SLC38A9: variants seen among roughly 807,000 people sequenced by gnomAD.
SLC38A9 encodes neutral amino acid transporter 9.
Under a neutral mutation model 62.3 loss-of-function variants are expected in SLC38A9, and 48 were observed. The observed-to-expected ratio is 0.77, with a 90% confidence interval of 0.61 to 0.98. The LOEUF (loss-of-function observed/expected upper bound fraction) is 0.98, where lower values mean the gene tolerates loss of function less well. SLC38A9 is among the 50% of genes least tolerant of loss of function. SLC38A9 has a pLI of 0.00. For synonymous variants in SLC38A9, 204 were observed against 227.7 expected, an observed-to-expected ratio of 0.90 and a Z score of 0.94; for missense variants, 541 against 679.8, an observed-to-expected ratio of 0.80 and a Z score of 2.27.
At position 55,672,571 on chromosome 5, in the gene SLC38A9, T is replaced by C; in HGVS notation, c.238A>G (p.Lys80Glu). 6.2e-7 allele frequency: 1 copy of C among 1,614,044 alleles called. No individual in the cohort carries two copies. Among genetic ancestry groups the C allele is most frequent in the South Asian group, 1.1e-5 (1 of 91,040 alleles). Residue 80 changes from lysine to glutamate, a missense_variant, in exon 4 of 16, where the codon AAG becomes GAG. Lys to Glu is a moderately conservative substitution (Grantham distance 56). Transcript: ENST00000396865. ...YYSRLTTPADKALIAPDHVVP... is the reference protein window; with the variant it reads ...YYSRLTTPADEALIAPDHVVP... ...AATGTTTTGTCTCTTACCAGTGCCT[T>C]GTCTGCAGGAGTGGTGAGCCGGCTG... is the stretch of plus-strand genomic sequence containing the variant.
intron 14 of SLC38A9, among the ~76,000 whole-genome samples, chr5:55,632,583 C>A (rs1188699755): frequency 6.6e-6 from 1 of 152,206 alleles, no homozygotes; most frequent in South Asian, 2.1e-4. Flanking sequence ...GAATCTCAGT[C>A]CCATTCTCCC....
rs1022953198 is a variant in SLC38A9 at position 55,625,967 on chromosome 5, A to G, written c.*527T>C. ...AATAGAGATTAAGACTCAGTTAAAA[A>G]TGTACTTTATTAACACTGATGCCAT... On this transcript the variant is annotated 3_prime_UTR_variant, in exon 16 of 16. Transcript: ENST00000396865. 4 of 152,766 alleles carry G rather than the reference A, an allele frequency of 2.6e-5. No homozygotes were observed. Among genetic ancestry groups the G allele is most frequent in the African/African-American group, 9.6e-5 (4 of 41,456 alleles). The allele number at this position is 152,766 out of a possible 1,614,324, so 9.5% of individuals were successfully genotyped here. A position where few individuals can be genotyped will look rare whatever the true frequency, so the allele number is the denominator to read the frequency against.
At chr5:55,642,316 A>T (rs1561318775) in intron 12 of SLC38A9, among the ~76,000 whole-genome samples, 1 of 152,248 alleles carries the variant, frequency 6.6e-6, no homozygotes. Context: ...AAGTGTTGGG[A>T]TTACAGGCGT....
intron 8 of SLC38A9, among the ~76,000 whole-genome samples, chr5:55,663,673 C>T (rs147196301): frequency 8.7e-4 from 133 of 152,204 alleles, no homozygotes; most frequent in African/African-American, 3.0e-3. Context: ...GTGGATGTTG[C>T]AGTGATCCGA....
chr5:55,677,084 T>C (rs1282774457), intron 3 of SLC38A9, among the ~76,000 whole-genome samples: 2 of 152,158 alleles, frequency 1.3e-5, no homozygotes, highest in South Asian at 2.1e-4. Context: ...ATAATTATAA[T>C]TCTAAAGCAA....
At chr5:55,644,552 G>C (rs1270984026) in intron 12 of SLC38A9, among the ~76,000 whole-genome samples, 2 of 151,946 alleles carry the variant, frequency 1.3e-5, no homozygotes, top group African/African-American at 2.4e-5. Flanking sequence ...TTCCTGAGTT[G>C]CTGGGATTAC....
At chr5:55,680,947 T>C (rs901078849) in intron 3 of SLC38A9, among the ~76,000 whole-genome samples, 1 of 152,244 alleles carries the variant, frequency 6.6e-6, no homozygotes, top group African/African-American at 2.4e-5. Context: ...AAGTGAAACC[T>C]GCCCTGCCAA....
At chr5:55,674,726 G>A (rs1178346307) in intron 3 of SLC38A9, among the ~76,000 whole-genome samples, 1 of 152,162 alleles carries the variant, frequency 6.6e-6, no homozygotes, top group African/African-American at 2.4e-5. Context: ...GAATTAAGTG[G>A]TGTCAATATA....
chr5:55,689,599 CA>C (rs1158363322), intron 3 of SLC38A9, among the ~76,000 whole-genome samples: 1 of 152,176 alleles, frequency 6.6e-6, no homozygotes, highest in African/African-American at 2.4e-5. Context: ...CAATATTGAG[CA>C]GACAGAGAAC....
intron 7 of SLC38A9, among the ~76,000 whole-genome samples, chr5:55,666,823 C>T (rs909838378): frequency 2.0e-5 from 3 of 152,152 alleles, no homozygotes; most frequent in Admixed American, 2.0e-4. Flanking sequence ...GTCAGGAGAT[C>T]GAGACCACAG....
At chr5:55,628,822 A>G (rs1742930204) in intron 14 of SLC38A9, among the ~76,000 whole-genome samples, 1 of 152,218 alleles carries the variant, frequency 6.6e-6, no homozygotes, top group Admixed American at 6.5e-5. Context: ...GGACACAAAC[A>G]AAAATAATGT....
intron 2 of SLC38A9, among the ~76,000 whole-genome samples, chr5:55,709,454 T>C (rs1166378622): frequency 6.6e-6 from 1 of 152,110 alleles, no homozygotes; most frequent in African/African-American, 2.4e-5. Flanking sequence ...TGGTGGCTCA[T>C]GCCTGTAATC....
intron 3 of SLC38A9, among the ~76,000 whole-genome samples, chr5:55,674,154 G>A (rs1209727173): frequency 2.0e-5 from 3 of 152,188 alleles, no homozygotes; most frequent in African/African-American, 7.2e-5. Context: ...TTAGCATACA[G>A]AATCTTTGAA....
At chr5:55,702,529 G>C (rs1474249743) in intron 2 of SLC38A9, among the ~76,000 whole-genome samples, 1 of 151,962 alleles carries the variant, frequency 6.6e-6, no homozygotes, top group African/African-American at 2.4e-5. Flanking sequence ...AAAGTGCTAG[G>C]ATTAAAGGCA....
chr5:55,687,143 T>A (rs1318344930), intron 3 of SLC38A9, among the ~76,000 whole-genome samples: 1 of 151,800 alleles, frequency 6.6e-6, no homozygotes, highest in Non-Finnish European at 1.5e-5. Flanking sequence ...TATGTATTTT[T>A]AAAAGTTTTT....
chr5:55,634,949 TA>T (rs2033449711), intron 13 of SLC38A9: 2 of 151,770 alleles, frequency 1.3e-5, no homozygotes, highest in African/African-American at 4.8e-5. Flanking sequence ...TTTATTAAAA[TA>T]TTTTTTTCTT....
At chr5:55,660,675 T>C (rs1749359195) in intron 8 of SLC38A9, among the ~76,000 whole-genome samples, 2 of 152,272 alleles carry the variant, frequency 1.3e-5, no homozygotes, top group Middle Eastern at 6.8e-3. Context: ...TTAATGGATG[T>C]TACTCTCAAG....
chr5:55,712,072 G>C (rs1438275932), intron 1 of SLC38A9, 145 bp downstream of exon 1: 5 of 152,226 alleles, frequency 3.3e-5, no homozygotes, highest in African/African-American at 1.2e-4. Flanking sequence ...AGCCCCAAAA[G>C]AAGAGACGGT....
rs750151120 is a variant in SLC38A9, at chr5:55,697,990, G to C, written c.-32C>G. ...CACACTCTAAGCACTGAAGAAGTTA[G>C]TCCTACACAAAGAAGATAAATAATT... On this transcript the variant is annotated splice_region_variant and 5_prime_UTR_variant, in exon 3 of 16. Transcript: ENST00000396865. 2 of 1,076,664 alleles carry C rather than the reference G, an allele frequency of 1.9e-6. No individual in the cohort carries two copies. Among genetic ancestry groups the C allele is most frequent in the South Asian group, 3.0e-5 (2 of 67,738 alleles). The allele number at this position is 1,076,664 out of a possible 1,614,324, so 66.7% of individuals were successfully genotyped here.
Sources: allele counts gnomAD v4.1 joint callset (sites outside exome capture counted in the v4.1 genomes callset), GRCh38; gene constraint gnomAD v4.1.1; transcripts MANE v1.5; gene names NCBI Gene and HGNC (gene_info 2026-07-23, HGNC 2026-07-21).